Variants in ATAD1 observed in about 807,000 individuals in gnomAD.
ATAD1 encodes outer mitochondrial transmembrane helix translocase.
A neutral mutation model predicts 42.7 loss-of-function variants in ATAD1; 18 were observed. The observed-to-expected ratio is 0.42, with a 90% confidence interval of 0.29 to 0.63. The LOEUF is 0.63. Ranked by LOEUF, ATAD1 falls within the 20% of genes least tolerant of loss-of-function variation. The probability of loss-of-function intolerance (pLI) is 0.19; values close to 1 mark genes in which losing one functional copy is unlikely to be tolerated. For missense variants in ATAD1, 294 were observed against 440.4 expected, an observed-to-expected ratio of 0.67 and a Z score of 2.98; for synonymous variants, 132 against 143.1, an observed-to-expected ratio of 0.92 and a Z score of 0.55.
intron 8 of ATAD1, among the ~76,000 whole-genome samples, chr10:87,759,146 T>C (rs964461800): frequency 6.6e-6 from 1 of 152,196 alleles, no homozygotes; most frequent in African/African-American, 2.4e-5. Flanking sequence ...ACTCTTCTCA[T>C]GTGTCCTTAA....
chr10:87,784,697 C>G (rs1855742895), intron 4 of ATAD1, 27 bp from the exon 5 acceptor site: 1 of 1,589,918 alleles, frequency 6.3e-7, no homozygotes, highest in Non-Finnish European at 8.6e-7. Context: ...TATTTATTAC[C>G]TTTAAGGGGA....
chr10:87,776,183 T>C, intron 6 of ATAD1, 138 bp downstream of exon 6: 1 of 633,794 alleles, frequency 1.6e-6, no homozygotes, highest in Non-Finnish European at 2.8e-6. Flanking sequence ...CATATTCTTT[T>C]GGATCCTTAT....
chr10:87,775,742 C>G (rs926483712), intron 6 of ATAD1, among the ~76,000 whole-genome samples: 11 of 152,086 alleles, frequency 7.2e-5, no homozygotes, highest in African/African-American at 2.7e-4. Flanking sequence ...TAACAGGGAA[C>G]AAGCTATGGT....
At chr10:87,821,501 C>T (rs975151534), upstream of ATAD1, among the ~76,000 whole-genome samples, 1 of 151,994 alleles carries the variant, frequency 6.6e-6, no homozygotes, top group South Asian at 2.1e-4. Context: ...CACTGCACTC[C>T]AGCCTGGACA....
chr10:87,756,642 CA>C (rs1188550877), intron 9 of ATAD1, 146 bp downstream of exon 9: 1 of 695,564 alleles, frequency 1.4e-6, no homozygotes, highest in African/African-American at 1.9e-5. Flanking sequence ...GGAAAAATGG[CA>C]ATAAATAAAG....
intron 5 of ATAD1, 90 bp from the exon 6 acceptor site, chr10:87,776,517 G>A (rs1049671842): frequency 7.0e-6 from 7 of 1,002,270 alleles, no homozygotes; most frequent in African/African-American, 3.3e-5. Context: ...TGCCCAGGCT[G>A]GGGTGCAATG....
At chr10:87,772,341 G>A (rs1855086380) in intron 6 of ATAD1, among the ~76,000 whole-genome samples, 1 of 151,784 alleles carries the variant, frequency 6.6e-6, no homozygotes, top group East Asian at 1.9e-4. Context: ...TGAAACCTCT[G>A]GGCTCAAGCG....
At chr10:87,777,577 G>A (rs569772399) in intron 5 of ATAD1, among the ~76,000 whole-genome samples, 1 of 151,092 alleles carries the variant, frequency 6.6e-6, no homozygotes, top group South Asian at 2.1e-4. Flanking sequence ...AAGACTGAAA[G>A]GTGCTACATC....
chr10:87,766,019 C>T (rs1038800015), intron 8 of ATAD1, among the ~76,000 whole-genome samples: 1 of 151,460 alleles, frequency 6.6e-6, no homozygotes, highest in Admixed American at 6.6e-5. Context: ...GGCTAGGCAA[C>T]AGAGAGAGAT....
chr10:87,799,359 A>C (rs1302266227), intron 2 of ATAD1, among the ~76,000 whole-genome samples: 2 of 152,232 alleles, frequency 1.3e-5, no homozygotes, highest in Non-Finnish European at 2.9e-5. Flanking sequence ...AAATAGCTAC[A>C]TCTTGAAGTT....
chr10:87,828,412 G>C (rs956453488), intron 1 of ATAD1, among the ~76,000 whole-genome samples: 7 of 152,184 alleles, frequency 4.6e-5, no homozygotes, highest in Non-Finnish European at 8.8e-5. Flanking sequence ...GCCTAATTCA[G>C]AGCAAGTCCC....
At chr10:87,827,155 C>T (rs1857745521) in intron 1 of ATAD1, among the ~76,000 whole-genome samples, 1 of 152,102 alleles carries the variant, frequency 6.6e-6, no homozygotes, top group South Asian at 2.1e-4. Context: ...ATTTAATATA[C>T]CATTATTTAC....
chr10:87,804,280 TAGTA>T lies in ATAD1; in HGVS notation c.162+10154_162+10157del, dbSNP rs557646072. On this transcript the variant is annotated intron_variant, in intron 2 of 9. Coordinates refer to ENST00000680024, the MANE Select transcript of ATAD1 (RefSeq NM_001321967.2). ...ACGTTAAGTTAAATAATTAATGTCATAGTAAGTCACTTTCTGTGTATAACTCGTG... is the reference window on the plus strand; with the variant it reads ...ACGTTAAGTTAAATAATTAATGTCATAGTCACTTTCTGTGTATAACTCGTG... Among the ~76,000 whole-genome samples, 441 of 152,366 alleles carry T rather than the reference TAGTA, an allele frequency of 2.9e-3. 1 individual carries two copies. Among genetic ancestry groups the T allele is most frequent in the African/African-American group, 1.0e-2 (414 of 41,578 alleles).
At chr10:87,772,267 T>C (rs1855081384) in intron 6 of ATAD1, among the ~76,000 whole-genome samples, 1 of 151,976 alleles carries the variant, frequency 6.6e-6, no homozygotes, top group Admixed American at 6.6e-5. Flanking sequence ...CACATGCCAC[T>C]GTGCCTAGCT....
chr10:87,781,165 C>A (rs1589497674), intron 5 of ATAD1, among the ~76,000 whole-genome samples: 1 of 151,816 alleles, frequency 6.6e-6, no homozygotes, highest in East Asian at 1.9e-4. Flanking sequence ...ACAAATGACA[C>A]AAGGAAACAA....
Position 87,792,644 on chromosome 10 carries a change from TA to T in ATAD1, c.261+12del. 2 of 1,584,382 alleles carry T rather than the reference TA, an allele frequency of 1.3e-6. No individual in the cohort carries two copies. The highest frequency in any genetic ancestry group is 1.7e-6 in the Non-Finnish European group (2 of 1,154,872). On this transcript the variant is annotated intron_variant, in intron 3 of 9. Transcript: ENST00000680024. ...CCTCTAAAAAAATCTTAAATAAGAT[TA>T]AAGATACATACATGCATATTAAGAG...
At chr10:87,794,495 G>A (rs1856285855) in intron 2 of ATAD1, among the ~76,000 whole-genome samples, 1 of 152,168 alleles carries the variant, frequency 6.6e-6, no homozygotes, top group Non-Finnish European at 1.5e-5. Flanking sequence ...AGCAACGCTC[G>A]AAGACAGTGG....
intron 2 of ATAD1, among the ~76,000 whole-genome samples, chr10:87,800,574 T>C (rs1282999099): frequency 1.3e-5 from 2 of 152,172 alleles, no homozygotes; most frequent in African/African-American, 4.8e-5. Flanking sequence ...GCTATTATGA[T>C]TCAGTTTGGT....
intron 5 of ATAD1, among the ~76,000 whole-genome samples, chr10:87,782,361 A>G (rs1855607205): frequency 6.6e-6 from 1 of 152,258 alleles, no homozygotes; most frequent in African/African-American, 2.4e-5. Flanking sequence ...CAGTAAAAAC[A>G]AAGTTAAATC....
Sources: allele counts gnomAD v4.1 joint callset (sites outside exome capture counted in the v4.1 genomes callset), GRCh38; gene constraint gnomAD v4.1.1; transcripts MANE v1.5; gene names NCBI Gene and HGNC (gene_info 2026-07-23, HGNC 2026-07-21).